The following CRYZL1 variants were observed in gnomAD, a reference collection of about 807,000 sequenced individuals.
CRYZL1 encodes the protein ferry endosomal RAB5 effector complex subunit 4.
Under a neutral mutation model 50.6 loss-of-function variants are expected in CRYZL1, and 34 were observed. The observed-to-expected ratio is 0.67, with a 90% CI of 0.51 to 0.89. CRYZL1 has a LOEUF of 0.89. CRYZL1 is among the 40% of genes least tolerant of loss of function. CRYZL1 has a pLI of 0.00. For missense variants in CRYZL1, 354 were observed against 402.3 expected (o/e 0.88, Z 1.03); for synonymous variants, 125 against 134.3 (o/e 0.93, Z 0.48).
At chr21:33,603,274 G>T in intron 7 of CRYZL1, 130 bp downstream of exon 7, 1 of 1,086,134 alleles carries the variant, frequency 9.2e-7, no homozygotes, top group Non-Finnish European at 1.3e-6. Flanking sequence ...TAACAAAATA[G>T]GACACTGGAA....
Position 33,616,689 on chromosome 21 carries a change from T to C in CRYZL1, c.262+17A>G. 6.2e-7 allele frequency: 1 copy of C among 1,610,270 alleles called. No individual in the cohort carries two copies. Among genetic ancestry groups the C allele is most frequent in the Non-Finnish European group, 8.5e-7 (1 of 1,178,066 alleles). ...TAAAATAGATGACTTGAAATAAGAC[T>C]ATGAACTATAACTTACCAACTACTT... On this transcript the variant is annotated intron_variant, in intron 5 of 12. Transcript: ENST00000381554.
At chr21:33,639,036 G>C (rs892544483) in intron 1 of CRYZL1, among the ~76,000 whole-genome samples, 2 of 152,174 alleles carry the variant, frequency 1.3e-5, no homozygotes, top group African/African-American at 4.8e-5. Flanking sequence ...TGCAACTTGA[G>C]ATCTAAAGAT....
intron 2 of CRYZL1, among the ~76,000 whole-genome samples, chr21:33,625,563 A>G (rs2087052151): frequency 6.6e-6 from 1 of 152,102 alleles, no homozygotes; most frequent in Admixed American, 6.6e-5. Context: ...AGCTCACTGC[A>G]GCCTCAACCT....
chr21:33,604,292 C>T (rs1028003530), intron 6 of CRYZL1, among the ~76,000 whole-genome samples: 3 of 129,868 alleles, frequency 2.3e-5, no homozygotes, highest in Non-Finnish European at 4.7e-5. Context: ...GGAGGCAGAG[C>T]TTGTAGCGAG....
rs1439829631 is a variant in CRYZL1 at position 33,638,813 on chromosome 21, C to T, written c.-7+2868G>A. Among the ~76,000 whole-genome samples, 6 of 152,210 alleles carry T rather than the reference C, an allele frequency of 3.9e-5. No homozygotes were observed. The East Asian group carries it at 7.7e-4, about 20-fold the overall frequency. ...ATAACTTAAAACTAAATGGAAAATG[C>T]GTAACATTAGATGGTCCCTATCACT... On this transcript the variant is annotated intron_variant, in intron 1 of 12. Transcript: ENST00000381554.
At chr21:33,592,430 C>T (rs1393809831) in intron 11 of CRYZL1, among the ~76,000 whole-genome samples, 1 of 152,114 alleles carries the variant, frequency 6.6e-6, no homozygotes, top group African/African-American at 2.4e-5. Context: ...AGCCACTGCC[C>T]CCAGCCTCCA....
At chr21:33,635,179 C>T (rs960643514) in intron 1 of CRYZL1, among the ~76,000 whole-genome samples, 4 of 151,780 alleles carry the variant, frequency 2.6e-5, no homozygotes, top group Non-Finnish European at 5.9e-5. Flanking sequence ...GTATTCAAGG[C>T]CCACATGGTT....
chr21:33,618,464 T>C (rs2086960806), intron 4 of CRYZL1, among the ~76,000 whole-genome samples: 1 of 152,158 alleles, frequency 6.6e-6, no homozygotes, highest in African/African-American at 2.4e-5. Flanking sequence ...AGCATTGTTG[T>C]GTGTTTATGC....
At chr21:33,637,301 C>T (rs1175262221) in intron 1 of CRYZL1, among the ~76,000 whole-genome samples, 6 of 151,674 alleles carry the variant, frequency 4.0e-5, no homozygotes, top group Admixed American at 3.9e-4. Context: ...AAAAATTAGC[C>T]GGGCGTGGTG....
chr21:33,613,537 C>T lies in CRYZL1; in HGVS notation c.331+1G>A. The T allele has an allele frequency of 6.2e-7, 1 of 1,600,368 alleles. No homozygotes were observed. Among genetic ancestry groups the T allele is most frequent in the Non-Finnish European group, 8.6e-7 (1 of 1,167,608 alleles). On this transcript the variant is annotated splice_donor_variant, in intron 6 of 12. Coordinates refer to ENST00000381554, the MANE Select transcript of CRYZL1 (RefSeq NM_145858.3). LOFTEE classifies it high-confidence loss of function. ...CTCCAAAGTACTGAATTGCTACATA[C>T]CCAAGTAATGCTCATGTACTCTAAC...
chr21:33,604,172 G>A (rs977064066), intron 6 of CRYZL1, among the ~76,000 whole-genome samples: 7 of 151,794 alleles, frequency 4.6e-5, no homozygotes, highest in Non-Finnish European at 8.8e-5. Context: ...TCGAGACCAC[G>A]GTGAAACCCC....
chr21:33,608,682 T>C (rs1569086190), intron 6 of CRYZL1, among the ~76,000 whole-genome samples: 1 of 152,196 alleles, frequency 6.6e-6, no homozygotes, highest in Non-Finnish European at 1.5e-5. Context: ...TTTCCATCTG[T>C]GTTGTCACAA....
rs1286958501 is a variant in CRYZL1, at chr21:33,591,088, A to C, written c.950+74T>G. ...GGTACATGGCGAGAGCTAAAACAAA[A>C]GTGGGACTGCCTGCCTTAGCTCCCT... is the stretch of plus-strand genomic sequence containing the variant. On this transcript the variant is annotated intron_variant, in intron 12 of 12. Coordinates refer to ENST00000381554, the MANE Select transcript of CRYZL1 (RefSeq NM_145858.3). The C allele has an allele frequency of 2.8e-6, 3 of 1,060,338 alleles. No individual in the cohort carries two copies. The African/African-American group carries it at 4.7e-5, about 17-fold the overall frequency. The allele number at this position is 1,060,338 out of a possible 1,614,324, so 65.7% of individuals were successfully genotyped here. A position where few individuals can be genotyped will look rare whatever the true frequency, so the allele number is the denominator to read the frequency against.
intron 11 of CRYZL1, 180 bp downstream of exon 11, chr21:33,595,551 G>A (rs1221874782): frequency 2.4e-6 from 3 of 1,265,548 alleles, no homozygotes; most frequent in South Asian, 2.6e-5. Flanking sequence ...GATGATAACA[G>A]TACTTACATC....
chr21:33,635,713 T>C (rs919658938), intron 1 of CRYZL1, among the ~76,000 whole-genome samples: 1 of 410 alleles, frequency 2.4e-3, no homozygotes, highest in Non-Finnish European at 6.0e-3. Flanking sequence ...AGGCCGGGCA[T>C]GGTGCTCACG....
intron 2 of CRYZL1, among the ~76,000 whole-genome samples, chr21:33,629,228 AAACAACAAC>A (rs574242137): frequency 2.6e-5 from 4 of 151,914 alleles, no homozygotes; most frequent in South Asian, 2.1e-4. Flanking sequence ...CTGTCTCAAA[AAACAACAAC>A]AACAACAACA....
At position 33,589,851 on chromosome 21, in the gene CRYZL1, CTTGA is replaced by C. The variant is rs779565849; in HGVS notation, c.1017_1020del (p.Asn339LysfsTer21). 1 of 1,612,344 alleles carries C rather than the reference CTTGA, an allele frequency of 6.2e-7. No homozygotes were observed. The highest frequency in any genetic ancestry group is 8.5e-7 in the Non-Finnish European group (1 of 1,178,820). On this transcript the variant is annotated frameshift_variant, in exon 13 of 13. Coordinates refer to ENST00000381554, the MANE Select transcript of CRYZL1 (RefSeq NM_145858.3). LOFTEE classifies it high-confidence loss of function. ...AATTGAACAACTTGCTTTTTTCTTC[CTTGA>C]TTTTTCTGAACAGCTTCCATGGAAA...
chr21:33,592,708 G>A (rs151033657), intron 11 of CRYZL1, among the ~76,000 whole-genome samples: 1 of 152,326 alleles, frequency 6.6e-6, no homozygotes, highest in Non-Finnish European at 1.5e-5. Context: ...TGAACTGAAT[G>A]AGGAGGGTTT....
At chr21:33,599,577 G>A (rs1306251975) in intron 8 of CRYZL1, among the ~76,000 whole-genome samples, 1 of 151,884 alleles carries the variant, frequency 6.6e-6, no homozygotes, top group South Asian at 2.1e-4. Context: ...CCAGAATTAG[G>A]AATCTGAAAA....
Sources: allele counts gnomAD v4.1 joint callset (sites outside exome capture counted in the v4.1 genomes callset), GRCh38; gene constraint gnomAD v4.1.1; transcripts MANE v1.5; gene names NCBI Gene and HGNC (gene_info 2026-07-23, HGNC 2026-07-21).